The following HOMER2 variants were observed in gnomAD, a reference collection of about 807,000 sequenced individuals.
HOMER2 encodes the protein homer protein homolog 2.
A neutral mutation model predicts 47.0 loss-of-function variants in HOMER2; 27 were observed. The ratio of observed to expected loss-of-function variants is 0.57; its 90% CI spans 0.42 to 0.79. HOMER2 has a LOEUF of 0.79. Ranked by LOEUF, HOMER2 falls within the 30% of genes least tolerant of loss-of-function variation. The pLI is 0.00. For missense variants in HOMER2, 443 were observed against 435.0 expected, an observed-to-expected ratio of 1.02 and a Z score of -0.16; for synonymous variants, 161 against 163.8, an observed-to-expected ratio of 0.98 and a Z score of 0.13.
rs560174020 is a variant in HOMER2 at position 82,892,153 on chromosome 15, C to T, written c.162+532G>A. Among the ~76,000 whole-genome samples the T allele has an allele frequency of 3.3e-5, 5 of 152,220 alleles. No individual in the cohort carries two copies. The East Asian group carries it at 9.6e-4, about 29-fold the overall frequency. The stretch of plus-strand genomic sequence containing the variant: ...AAAATTCAACTCCTATGCCTAATAA[C>T]ACCAAAACCCGACTAGATACAATAC... On this transcript the variant is annotated intron_variant, in intron 2 of 8. Transcript: ENST00000450735.
intron 3 of HOMER2, among the ~76,000 whole-genome samples, chr15:82,870,356 G>A (rs2052137141): frequency 6.6e-6 from 1 of 152,164 alleles, no homozygotes; most frequent in Non-Finnish European, 1.5e-5. Context: ...AGTCTGCCAG[G>A]GGGGTTGCTG....
intron 1 of HOMER2, among the ~76,000 whole-genome samples, chr15:82,922,532 C>T (rs1308547654): frequency 1.3e-5 from 2 of 152,190 alleles, no homozygotes; most frequent in Non-Finnish European, 2.9e-5. Flanking sequence ...CCCAGCGGCA[C>T]TAGGTATATG....
intron 1 of HOMER2, among the ~76,000 whole-genome samples, chr15:82,907,790 A>C (rs1329429311): frequency 6.6e-6 from 1 of 152,366 alleles, no homozygotes; most frequent in Admixed American, 6.5e-5. Flanking sequence ...TTTTCATACC[A>C]CAATGGAATT....
downstream of HOMER2, chr15:82,844,510 A>T (rs1179033937): frequency 6.6e-6 from 1 of 152,196 alleles, no homozygotes; most frequent in Non-Finnish European, 1.5e-5. Context: ...GTATAATATG[A>T]TTATATTTCA....
At chr15:82,919,704 T>C (rs1049918382) in intron 1 of HOMER2, among the ~76,000 whole-genome samples, 4 of 152,214 alleles carry the variant, frequency 2.6e-5, no homozygotes, top group Non-Finnish European at 2.9e-5. Context: ...TATATAAATA[T>C]TGTTCCCTGC....
At chr15:82,986,108 A>G, upstream of HOMER2, 2 of 985,528 alleles carry the variant, frequency 2.0e-6, no homozygotes, top group Non-Finnish European at 2.4e-6. Context: ...TTGTGCCAGC[A>G]TTTGAAGAAG....
At chr15:82,964,269 C>A (rs1025925264) in intron 1 of HOMER2, among the ~76,000 whole-genome samples, 2 of 152,214 alleles carry the variant, frequency 1.3e-5, no homozygotes, top group African/African-American at 4.8e-5. Context: ...TGCTCCAGCG[C>A]GTCCCCCTGC....
intron 1 of HOMER2, among the ~76,000 whole-genome samples, chr15:82,928,606 T>A (rs1233704829): frequency 2.6e-5 from 4 of 152,192 alleles, no homozygotes; most frequent in African/African-American, 9.7e-5. Flanking sequence ...AACTTCTTCA[T>A]CAAGCTGCAT....
rs554894791 is a variant in HOMER2 at position 82,951,303 on chromosome 15, C to T, written c.5+1228G>A. Among the ~76,000 whole-genome samples, 4 of 152,338 alleles carry T rather than the reference C, an allele frequency of 2.6e-5. No homozygotes were observed. In the South Asian group the frequency reaches 8.3e-4, roughly 32 times the overall value. ...AGTTCATGTTGGCCCACAGCCCTCACACTTCCATTCCTCAAAATTCCTCTT... is the reference window on the plus strand; with the variant it reads ...AGTTCATGTTGGCCCACAGCCCTCATACTTCCATTCCTCAAAATTCCTCTT... On this transcript the variant is annotated intron_variant, in intron 1 of 8. Transcript: ENST00000450735.
intron 1 of HOMER2, among the ~76,000 whole-genome samples, chr15:82,935,350 GCCA>G (rs1297221082): frequency 2.0e-5 from 3 of 151,748 alleles, no homozygotes; most frequent in Non-Finnish European, 4.4e-5. Context: ...CCACCCTGAG[GCCA>G]CCACACCTCA....
chr15:82,967,224 C>A (rs1485548066), intron 1 of HOMER2, among the ~76,000 whole-genome samples: 1 of 152,040 alleles, frequency 6.6e-6, no homozygotes, highest in Non-Finnish European at 1.5e-5. Context: ...CCACTCCAGC[C>A]TGGGTGACAG....
chr15:82,928,940 T>TGAAAAAAAAAAAAAAAAA (rs2053925309), intron 1 of HOMER2, among the ~76,000 whole-genome samples: 1 of 39,924 alleles, frequency 2.5e-5, no homozygotes, highest in African/African-American at 1.5e-4. Context: ...AAATAAAAAC[T>TGAAAAAAAAAAAAAAAAA]AAAAAAAAAA....
At chr15:82,945,798 A>C (rs906018537) in intron 1 of HOMER2, among the ~76,000 whole-genome samples, 2 of 152,062 alleles carry the variant, frequency 1.3e-5, no homozygotes, top group Admixed American at 1.3e-4. Flanking sequence ...GTGAAATCCC[A>C]TCTCTACTAA....
At chr15:82,919,757 T>C (rs981166720) in intron 1 of HOMER2, among the ~76,000 whole-genome samples, 3 of 152,194 alleles carry the variant, frequency 2.0e-5, no homozygotes, top group African/African-American at 7.2e-5. Flanking sequence ...TTCTGTACAG[T>C]TCCAATGTCA....
exon 2 of HOMER2, chr15:82,842,368 T>C (rs1318172689): frequency 6.6e-6 from 1 of 151,782 alleles, no homozygotes. Context: ...AGGCTGGTGC[T>C]ATCTCAGCTC....
rs2051892047 is a variant in HOMER2 at position 82,864,287 on chromosome 15, T to C, written c.295-28A>G. 3 of 1,506,228 alleles carry C rather than the reference T, an allele frequency of 2.0e-6. No individual in the cohort carries two copies. In the African/African-American group the frequency reaches 4.1e-5, roughly 21 times the overall value. The allele number at this position is 1,506,228 out of a possible 1,614,324, so 93.3% of individuals were successfully genotyped here. A position where few individuals can be genotyped will look rare whatever the true frequency, so the allele number is the denominator to read the frequency against. On this transcript the variant is annotated intron_variant, in intron 3 of 8. Coordinates refer to ENST00000450735, the MANE Select transcript of HOMER2 (RefSeq NM_004839.4). ...GAACATGAAGAATAGTTATTAAGGC[T>C]TTTATTAACCTCACTCATGGCTGGT...
chr15:82,867,200 A>G (rs2051999071), intron 3 of HOMER2, among the ~76,000 whole-genome samples: 1 of 152,184 alleles, frequency 6.6e-6, no homozygotes, highest in African/African-American at 2.4e-5. Context: ...AAAAATCAGG[A>G]TGCTTCTGAA....
At chr15:82,841,452 T>G (rs945485715) in exon 2 of HOMER2, 8 of 152,176 alleles carry the variant, frequency 5.3e-5, no homozygotes, top group African/African-American at 1.7e-4. Flanking sequence ...AACCTGAATG[T>G]ATAATTCAAA....
At chr15:82,959,233 T>G (rs2054610661) in exon 2 of HOMER2, 1 of 152,384 alleles carries the variant, frequency 6.6e-6, no homozygotes. Flanking sequence ...ATGTCCTGAT[T>G]GGCTCAGTCT....
Sources: allele counts gnomAD v4.1 joint callset (sites outside exome capture counted in the v4.1 genomes callset), GRCh38; gene constraint gnomAD v4.1.1; transcripts MANE v1.5; gene names NCBI Gene and HGNC (gene_info 2026-07-23, HGNC 2026-07-21).